Variants in SIPA1L3 observed in about 807,000 individuals in gnomAD.
The protein encoded by SIPA1L3 is signal induced proliferation associated 1 like 3.
In SIPA1L3, 59 loss-of-function variants were observed where a neutral mutation model predicts 150.1. The observed-to-expected ratio is 0.39, with a 90% CI of 0.32 to 0.49. SIPA1L3 has a LOEUF of 0.49. SIPA1L3 is among the 20% of genes least tolerant of loss of function. The pLI is 0.86. For missense variants in SIPA1L3, 2,211 were observed against 2,489.5 expected, an observed-to-expected ratio of 0.89 and a Z score of 2.38; for synonymous variants, 1,070 against 1,077.6, an observed-to-expected ratio of 0.99 and a Z score of 0.14.
At position 38,082,366 on chromosome 19, in the gene SIPA1L3, C is replaced by A; in HGVS notation, c.801C>A (p.Ala267=). Residue 267 remains alanine, a synonymous_variant, in exon 3 of 22, where the codon GCC becomes GCA. Transcript: ENST00000222345. ...GGGACTCCCACAACGGGCAGCCCGC[C>A]AAGGACAGCCTCCTGCCACTGCAGC... The part of the protein sequence containing the change: ...AKGDSHNGQP[A]KDSLLPLQPT... 6.3e-7 allele frequency: 1 copy of A among 1,597,308 alleles called. No individual in the cohort carries two copies.
rs78686793 is a variant in SIPA1L3 at position 38,152,899 on chromosome 19, C to T, written c.3593C>T (p.Thr1198Met). 28,600 of 1,613,676 alleles carry T rather than the reference C, an allele frequency of 0.018. 583 individuals carry two copies. The highest frequency in any genetic ancestry group is 0.096 in the Admixed American group (5,729 of 59,926). Residue 1198 changes from threonine (T) to methionine (M), a missense_variant, in exon 13 of 22, where the codon ACG (threonine) becomes ATG (methionine). Transcript: ENST00000222345. ...GATCCCCACTTCAGCCACGATGGGA[C>T]GTCCAGCGGCGACTCCTCTTCCGGC... ...SLDPHFSHDG[T>M]SSGDSSSGGL...
intron 9 of SIPA1L3, 109 bp from the exon 10 acceptor site, chr19:38,130,389 G>T: frequency 8.7e-7 from 1 of 1,147,240 alleles, no homozygotes; most frequent in South Asian, 1.4e-5. Context: ...GGTATTAATA[G>T]ATGGGAGTTG....
chr19:37,911,675 C>T (rs947388016), intron 1 of SIPA1L3, among the ~76,000 whole-genome samples: 2 of 151,746 alleles, frequency 1.3e-5, no homozygotes, highest in African/African-American at 4.8e-5. Context: ...CCACGCCCGG[C>T]TAATTTTTTG....
At chr19:38,053,757 G>T (rs917238905) in intron 2 of SIPA1L3, among the ~76,000 whole-genome samples, 1 of 151,670 alleles carries the variant, frequency 6.6e-6, no homozygotes, top group Admixed American at 6.6e-5. Flanking sequence ...GTAGAGACAG[G>T]GTCTCACTTT....
At position 38,193,732 on chromosome 19, in the gene SIPA1L3, G is replaced by A. The variant is rs748915011; in HGVS notation, c.4792G>A (p.Gly1598Ser). The change falls in exon 18 of 22, where the codon GGC (glycine) becomes AGC (serine). Residue 1598 changes from glycine (G) to serine (S), a missense_variant. By Grantham distance (56) the Gly-to-Ser change is moderately conservative. Coordinates refer to ENST00000222345, the MANE Select transcript of SIPA1L3 (RefSeq NM_015073.3). ...RQHQHPHPPVGPGATPAAGSG... is the reference protein window; with the variant it reads ...RQHQHPHPPVSPGATPAAGSG... The stretch of plus-strand genomic sequence containing the variant: ...GCACCAGCACCCCCACCCGCCCGTC[G>A]GCCCCGGTGCCACCCCTGCCGCCGG... 106 of 1,569,040 alleles carry A rather than the reference G, an allele frequency of 6.8e-5. No individual in the cohort carries two copies. The East Asian group carries it at 1.7e-3, about 25-fold the overall frequency.
At chr19:38,036,821 C>A (rs995126013) in intron 2 of SIPA1L3, among the ~76,000 whole-genome samples, 4 of 152,106 alleles carry the variant, frequency 2.6e-5, no homozygotes, top group Non-Finnish European at 2.9e-5. Context: ...GAGCTCCCCC[C>A]ACTCGCCCCA....
At position 38,204,280 on chromosome 19, in the gene SIPA1L3, C is replaced by T. The variant is rs1973156725; in HGVS notation, c.5202+72C>T. On this transcript the variant is annotated intron_variant, in intron 21 of 21. Transcript: ENST00000222345. Reference sequence around the variant, plus strand: ...GGCAGGGCAGTCAGCAGGGATCAGGCACCTGCCCCCGCCATGCAGGACCCA... The same window carrying T: ...GGCAGGGCAGTCAGCAGGGATCAGGTACCTGCCCCCGCCATGCAGGACCCA... 3.1e-6 allele frequency: 4 copies of T among 1,298,744 alleles called. No homozygotes were observed. In the Admixed American group the frequency reaches 6.0e-5, roughly 20 times the overall value. The allele number at this position is 1,298,744 out of a possible 1,614,324, so 80.5% of individuals were successfully genotyped here. A position where few individuals can be genotyped will look rare whatever the true frequency, so the allele number is the denominator to read the frequency against.
chr19:38,116,619 G>A (rs1010033463), intron 8 of SIPA1L3, among the ~76,000 whole-genome samples: 4 of 151,748 alleles, frequency 2.6e-5, no homozygotes, highest in East Asian at 1.9e-4. Context: ...AGGCCAAGGC[G>A]GGCAGATCAC....
At chr19:38,111,436 T>TA (rs1970739317) in intron 8 of SIPA1L3, among the ~76,000 whole-genome samples, 1 of 152,192 alleles carries the variant, frequency 6.6e-6, no homozygotes, top group Admixed American at 6.5e-5. Context: ...TGATGGGTAT[T>TA]ACGGTTGTGA....
intron 20 of SIPA1L3, 24 bp downstream of exon 20, chr19:38,202,021 G>A (rs750676085): frequency 7.5e-6 from 12 of 1,593,988 alleles, no homozygotes; most frequent in Middle Eastern, 1.7e-4. Context: ...GGGAACACCC[G>A]GGTTCATACC....
At chr19:38,187,834 C>T (rs570962750) in intron 16 of SIPA1L3, among the ~76,000 whole-genome samples, 2 of 150,506 alleles carry the variant, frequency 1.3e-5, no homozygotes, top group East Asian at 2.0e-4. Flanking sequence ...CCCGTCTCTA[C>T]GAAAATACAA....
chr19:38,020,390 G>A (rs1255129714), intron 1 of SIPA1L3, among the ~76,000 whole-genome samples: 1 of 152,092 alleles, frequency 6.6e-6, no homozygotes, highest in East Asian at 1.9e-4. Flanking sequence ...ATTGACCACT[G>A]TTCTGTCTTC....
chr19:38,029,211 T>A (rs1183000882), intron 2 of SIPA1L3, 55 bp downstream of exon 2: 1 of 152,148 alleles, frequency 6.6e-6, no homozygotes, highest in Non-Finnish European at 1.5e-5. Context: ...ATACACATAT[T>A]ATTTTTTTTA....
intron 13 of SIPA1L3, among the ~76,000 whole-genome samples, chr19:38,156,442 C>G (rs955326857): frequency 1.3e-4 from 19 of 151,114 alleles, no homozygotes; most frequent in Admixed American, 7.9e-4. Flanking sequence ...GCTCCCCTCT[C>G]ACTTCCTTGG....
At chr19:38,195,802 G>GCCCCCCCCCCCCCCC (rs976090881) in intron 18 of SIPA1L3, among the ~76,000 whole-genome samples, 2 of 20,252 alleles carry the variant, frequency 9.9e-5, no homozygotes, top group Non-Finnish European at 2.0e-4. Flanking sequence ...GTCCCCCCCC[G>GCCCCCCCCCCCCCCC]CCCCCCCGGG....
intron 3 of SIPA1L3, among the ~76,000 whole-genome samples, chr19:38,084,635 C>CTTTT (rs902218818): frequency 1.9e-5 from 2 of 104,498 alleles, no homozygotes; most frequent in African/African-American, 3.9e-5. Flanking sequence ...TTTTCTTTTT[C>CTTTT]TTTTTTTTTT....
At chr19:37,909,725 A>G (rs2046363006) in intron 1 of SIPA1L3, among the ~76,000 whole-genome samples, 1 of 152,172 alleles carries the variant, frequency 6.6e-6, no homozygotes, top group African/African-American at 2.4e-5. Flanking sequence ...AGATGGTGTC[A>G]GCGGCTTAGA....
intron 15 of SIPA1L3, among the ~76,000 whole-genome samples, chr19:38,166,782 A>G (rs1346983772): frequency 6.6e-6 from 1 of 152,102 alleles, no homozygotes; most frequent in Non-Finnish European, 1.5e-5. Flanking sequence ...TGGTTGGCGC[A>G]GGGATCTTCC....
At chr19:38,064,497 G>A (rs946637206) in intron 2 of SIPA1L3, among the ~76,000 whole-genome samples, 3 of 152,244 alleles carry the variant, frequency 2.0e-5, no homozygotes, top group African/African-American at 7.2e-5. Flanking sequence ...AGGAGTTTGA[G>A]ACCAGCCTGG....
Sources: gnomAD v4.1 joint callset for allele counts (sites outside exome capture counted in the v4.1 genomes callset) on GRCh38, gnomAD v4.1.1 for gene constraint, MANE v1.5 for transcripts, NCBI Gene and HGNC (gene_info 2026-07-23, HGNC 2026-07-21) for gene names.